The following SEM1 variants were observed in gnomAD, a reference collection of about 807,000 sequenced individuals.
SEM1 encodes 26S proteasome complex subunit SEM1.
Under a neutral mutation model 12.7 loss-of-function variants are expected in SEM1, and 3 were observed. The observed-to-expected ratio is 0.24, with a 90% CI of 0.11 to 0.61. The LOEUF is 0.61. Among genes scored for constraint, SEM1 ranks in the 20% least tolerant of loss-of-function variants. The pLI, the probability that SEM1 is intolerant of heterozygous loss-of-function variation, is 0.88. For synonymous variants in SEM1, 30 were observed against 27.8 expected (o/e 1.08, Z -0.25); for missense variants, 59 against 81.3 (o/e 0.73, Z 1.06).
exon 4 of SEM1, chr7:96,483,980 G>C: frequency 6.6e-7 from 1 of 1,513,114 alleles, no homozygotes; most frequent in South Asian, 1.3e-5. Flanking sequence ...AGTGGAAAGA[G>C]TCAGGGACCT....
chr7:96,586,634 A>G (rs1216587867), intron 2 of SEM1, among the ~76,000 whole-genome samples: 2 of 152,206 alleles, frequency 1.3e-5, no homozygotes, highest in Non-Finnish European at 2.9e-5. Flanking sequence ...TTTAGTAGCC[A>G]GATAAAAACT....
Position 96,694,850 on chromosome 7 carries a change from C to A in SEM1, c.118G>T (p.Glu40Ter). 1 of 1,611,552 alleles carries A rather than the reference C, an allele frequency of 6.2e-7. No homozygotes were observed. Among genetic ancestry groups the A allele is most frequent in the Non-Finnish European group, 8.5e-7 (1 of 1,178,152 alleles). Reference sequence around the variant, plus strand: ...ACATTGTCATCATCCCAATTATCCTCCCAGACATGTGCATCTTCATCTTCA... The same window carrying A: ...ACATTGTCATCATCCCAATTATCCTACCAGACATGTGCATCTTCATCTTCA... ...LDEDEDAHVW[E>*]DNWDDDNVED... Residue 40 changes from glutamate (E) to a stop codon, truncating the protein, a stop_gained, in exon 2 of 3, where the codon GAG (glutamate) becomes TAG (stop). Coordinates refer to ENST00000248566, the MANE Select transcript of SEM1 (RefSeq NM_006304.2). LOFTEE classifies it high-confidence loss of function.
chr7:96,552,191 C>T (rs1425343089), intron 2 of SEM1, among the ~76,000 whole-genome samples: 4 of 73,354 alleles, frequency 5.5e-5, no homozygotes, highest in Non-Finnish European at 1.2e-4. Flanking sequence ...ACAGGAGTTT[C>T]TCTCTTTTTT....
chr7:96,669,657 CATAAG>C (rs953588241), downstream of SEM1, among the ~76,000 whole-genome samples: 27 of 152,224 alleles, frequency 1.8e-4, no homozygotes, highest in African/African-American at 6.0e-4. Flanking sequence ...ATTTAGGATA[CATAAG>C]ATAAGTGGCC....
chr7:96,538,936 G>T (rs1163154481), intron 2 of SEM1, among the ~76,000 whole-genome samples: 3 of 151,846 alleles, frequency 2.0e-5, no homozygotes, highest in Non-Finnish European at 4.4e-5. Flanking sequence ...ATCTTCCTCA[G>T]ATTTTCAATG....
chr7:96,683,935 G>A (rs1040807119), downstream of SEM1, among the ~76,000 whole-genome samples: 3 of 152,008 alleles, frequency 2.0e-5, no homozygotes, highest in African/African-American at 7.2e-5. Flanking sequence ...TAGATGATGG[G>A]TTGATGGGTC....
intron 2 of SEM1, among the ~76,000 whole-genome samples, chr7:96,560,470 T>C (rs2115910803): frequency 1.3e-5 from 2 of 152,306 alleles, no homozygotes; most frequent in Middle Eastern, 6.8e-3. Context: ...TTTAGTATAC[T>C]TTTCTGTTTG....
intron 2 of SEM1, among the ~76,000 whole-genome samples, chr7:96,648,987 A>G (rs1178430314): frequency 6.6e-6 from 1 of 152,220 alleles, no homozygotes; most frequent in Non-Finnish European, 1.5e-5. Context: ...GTGACGTCCA[A>G]TAAGGTCGCT....
chr7:96,544,505 A>T (rs1313792171), intron 2 of SEM1, among the ~76,000 whole-genome samples: 1 of 152,024 alleles, frequency 6.6e-6, no homozygotes, highest in Non-Finnish European at 1.5e-5. Flanking sequence ...TAAAAATAGT[A>T]TTGATTATTC....
chr7:96,706,527 A>C (rs1225387627), intron 1 of SEM1: 1 of 142,152 alleles, frequency 7.0e-6, no homozygotes, highest in African/African-American at 2.7e-5. Context: ...GCGCCACTGC[A>C]CTCCAGCCTG....
chr7:96,672,528 C>A (rs942733169), downstream of SEM1: 1 of 152,098 alleles, frequency 6.6e-6, no homozygotes, highest in South Asian at 2.1e-4. Flanking sequence ...GAAGGGGTAC[C>A]TTTTGTTCTC....
At chr7:96,699,765 A>G (rs1584872341) in intron 1 of SEM1, among the ~76,000 whole-genome samples, 2 of 152,338 alleles carry the variant, frequency 1.3e-5, no homozygotes, top group South Asian at 2.1e-4. Flanking sequence ...ACCAAATTAC[A>G]TCTTACTCAG....
At chr7:96,584,550 T>C (rs1806541120) in intron 2 of SEM1, among the ~76,000 whole-genome samples, 1 of 152,202 alleles carries the variant, frequency 6.6e-6, no homozygotes, top group Admixed American at 6.5e-5. Context: ...CTGGATGATA[T>C]CCTGCAGAGT....
chr7:96,630,233 T>C (rs1377030316), intron 2 of SEM1, among the ~76,000 whole-genome samples: 1 of 152,146 alleles, frequency 6.6e-6, no homozygotes, highest in Non-Finnish European at 1.5e-5. Flanking sequence ...GTTCCTCCAC[T>C]CCCCACGCAG....
At chr7:96,634,717 A>G (rs1336876215) in intron 2 of SEM1, among the ~76,000 whole-genome samples, 1 of 151,896 alleles carries the variant, frequency 6.6e-6, no homozygotes, top group Admixed American at 6.6e-5. Context: ...GAGCCATGCA[A>G]ATGCAGGGGA....
rs187203260 is a variant in SEM1, at chr7:96,515,919, T to C, written c.171-9221A>G. Among the ~76,000 whole-genome samples, 1,198 of 152,122 alleles carry C rather than the reference T, an allele frequency of 7.9e-3. 13 individuals are homozygous for C. Among genetic ancestry groups the C allele is most frequent in the African/African-American group, 0.028 (1,156 of 41,518 alleles). On this transcript the variant is annotated intron_variant and NMD_transcript_variant, in intron 2 of 3. Transcript: ENST00000466986. ...GAGGGATAGCATTAGGAGAAATACC[T>C]AATGTAAATGATGAGTTGATGGGTG...
chr7:96,483,486 C>A, exon 4 of SEM1: 1 of 242,156 alleles, frequency 4.1e-6, no homozygotes, highest in Non-Finnish European at 8.2e-6. Flanking sequence ...ACCATCAAAC[C>A]TCAGATGCTT....
intron 2 of SEM1, among the ~76,000 whole-genome samples, chr7:96,608,000 A>C (rs916780569): frequency 1.3e-5 from 2 of 152,224 alleles, no homozygotes; most frequent in African/African-American, 4.8e-5. Flanking sequence ...AAGGAGGTGT[A>C]CTTATAAAAG....
chr7:96,704,008 C>CAT (rs1563121130), intron 1 of SEM1, among the ~76,000 whole-genome samples: 1 of 146,256 alleles, frequency 6.8e-6, no homozygotes, highest in African/African-American at 2.5e-5. Flanking sequence ...CACACACACA[C>CAT]ACATACATAA....
Sources: allele counts gnomAD v4.1 joint callset (sites outside exome capture counted in the v4.1 genomes callset), GRCh38; gene constraint gnomAD v4.1.1; transcripts MANE v1.5; gene names NCBI Gene and HGNC (gene_info 2026-07-23, HGNC 2026-07-21).